Variants in RAB3B observed in about 807,000 individuals in gnomAD.
RAB3B encodes the protein ras-related protein Rab-3B.
In RAB3B, 11 loss-of-function variants were observed where a neutral mutation model predicts 20.5. The ratio of observed to expected loss-of-function variants is 0.54; its 90% CI spans 0.34 to 0.89. RAB3B has a LOEUF of 0.89. Ranked by LOEUF, RAB3B falls within the 40% of genes least tolerant of loss-of-function variation. The pLI, the probability that RAB3B is intolerant of heterozygous loss-of-function variation, is 0.02. For synonymous variants in RAB3B, 99 were observed against 106.3 expected, an observed-to-expected ratio of 0.93 and a Z score of 0.42; for missense variants, 225 against 280.9, an observed-to-expected ratio of 0.80 and a Z score of 1.42.
At chr1:51,951,063 C>A (rs1684634375) in intron 2 of RAB3B, among the ~76,000 whole-genome samples, 1 of 151,960 alleles carries the variant, frequency 6.6e-6, no homozygotes, top group Non-Finnish European at 1.5e-5. Context: ...TTATAGAGCA[C>A]CCTACAGTTT....
At chr1:51,971,367 T>C (rs1177135310) in intron 2 of RAB3B, among the ~76,000 whole-genome samples, 2 of 151,992 alleles carry the variant, frequency 1.3e-5, no homozygotes, top group African/African-American at 4.8e-5. Context: ...AGACCCTCAG[T>C]GGATGCCTGA....
chr1:51,950,605 G>GA (rs1684628086), intron 2 of RAB3B, among the ~76,000 whole-genome samples: 1 of 96,002 alleles, frequency 1.0e-5, no homozygotes, highest in South Asian at 3.7e-4. Flanking sequence ...ATAGACAAAG[G>GA]GAGGCCCAGA....
At chr1:51,967,698 A>AT (rs1684876228) in intron 2 of RAB3B, among the ~76,000 whole-genome samples, 3 of 149,616 alleles carry the variant, frequency 2.0e-5, no homozygotes, top group Admixed American at 2.0e-4. Flanking sequence ...TTATTTTTAA[A>AT]TTTTTTGTAG....
Position 51,936,609 on chromosome 1 carries a change from C to T in RAB3B, c.347+685G>A, listed in dbSNP as rs114885113. On this transcript the variant is annotated intron_variant, in intron 3 of 4. Coordinates refer to ENST00000371655, the MANE Select transcript of RAB3B (RefSeq NM_002867.4). ...TCGCACCTACCTTCTCACCTTTGCA[C>T]ATCTGTACTCATTTTCTGGAACATC... Among the ~76,000 whole-genome samples the T allele has an allele frequency of 7.2e-3, 1,098 of 152,252 alleles. 13 individuals are homozygous for T. Among genetic ancestry groups the T allele is most frequent in the African/African-American group, 0.026 (1,062 of 41,530 alleles).
intron 1 of RAB3B, among the ~76,000 whole-genome samples, chr1:51,989,208 T>TTCTGTG (rs1318914367): frequency 1.0e-5 from 1 of 99,822 alleles, no homozygotes; most frequent in Non-Finnish European, 2.0e-5. Flanking sequence ...CCATCTTGTT[T>TTCTGTG]TGTGTGTGTG....
intron 2 of RAB3B, among the ~76,000 whole-genome samples, chr1:51,966,010 C>T (rs945485910): frequency 6.6e-6 from 1 of 152,198 alleles, no homozygotes; most frequent in Non-Finnish European, 1.5e-5. Flanking sequence ...TCAATGTCTG[C>T]AATGCATTTC....
intron 4 of RAB3B, among the ~76,000 whole-genome samples, chr1:51,928,920 C>T (rs1324923414): frequency 1.3e-5 from 2 of 152,186 alleles, no homozygotes; most frequent in African/African-American, 4.8e-5. Flanking sequence ...CTTAACTCTC[C>T]AGCCTAAAAT....
intron 2 of RAB3B, among the ~76,000 whole-genome samples, chr1:51,943,282 G>T (rs1684518849): frequency 6.6e-6 from 1 of 152,124 alleles, no homozygotes; most frequent in Admixed American, 6.5e-5. Flanking sequence ...TACTCAGGAG[G>T]CTGAGGCAGG....
chr1:51,967,646 T>C (rs1025925326), intron 2 of RAB3B, among the ~76,000 whole-genome samples: 3 of 150,902 alleles, frequency 2.0e-5, no homozygotes, highest in Admixed American at 6.6e-5. Context: ...CTCAGCCTCA[T>C]GAGTAGCTGG....
chr1:51,949,460 C>A (rs1339673464), intron 2 of RAB3B, among the ~76,000 whole-genome samples: 1 of 152,208 alleles, frequency 6.6e-6, no homozygotes, highest in Non-Finnish European at 1.5e-5. Context: ...GCTTCCAGCA[C>A]AAATCCCGTG....
At chr1:51,979,196 C>T (rs1490363915) in intron 1 of RAB3B, among the ~76,000 whole-genome samples, 1 of 151,654 alleles carries the variant, frequency 6.6e-6, no homozygotes, top group African/African-American at 2.4e-5. Context: ...GTCTCACAGC[C>T]TTAACTTTTC....
Position 51,927,036 on chromosome 1 carries a change from C to T in RAB3B, c.472+6282G>A, listed in dbSNP as rs141850465. Among the ~76,000 whole-genome samples, 31 of 152,306 alleles carry T rather than the reference C, an allele frequency of 2.0e-4. 1 individual carries two copies. The highest frequency in any genetic ancestry group is 7.5e-4 in the African/African-American group (31 of 41,560). On this transcript the variant is annotated intron_variant, in intron 4 of 4. Coordinates refer to ENST00000371655, the MANE Select transcript of RAB3B (RefSeq NM_002867.4). ...ACAACAAAGGTCACAAGAGGATTTT[C>T]GTGAAAGCATATTGTGAATTTTAAG...
chr1:51,915,633 T>C lies in RAB3B; in HGVS notation c.*4294A>G, dbSNP rs931196601. On this transcript the variant is annotated 3_prime_UTR_variant, in exon 5 of 5. Transcript: ENST00000371655. Reference sequence around the variant, plus strand: ...AGATGTAAATAAACACAATACTGTATTGCACTTTTGGCCACTTTTGCGTCT... The same window carrying C: ...AGATGTAAATAAACACAATACTGTACTGCACTTTTGGCCACTTTTGCGTCT... The C allele has an allele frequency of 1.3e-5, 2 of 152,190 alleles. No individual in the cohort carries two copies. The highest frequency in any genetic ancestry group is 4.8e-5 in the African/African-American group (2 of 41,458). The allele number at this position is 152,190 out of a possible 1,614,324, so 9.4% of individuals were successfully genotyped here.
At chr1:51,954,846 T>C (rs1684685168) in intron 2 of RAB3B, among the ~76,000 whole-genome samples, 1 of 152,226 alleles carries the variant, frequency 6.6e-6, no homozygotes, top group African/African-American at 2.4e-5. Flanking sequence ...CTTAGATTCC[T>C]GGAAACATAG....
intron 3 of RAB3B, among the ~76,000 whole-genome samples, chr1:51,934,475 T>TA (rs1684368933): frequency 6.6e-6 from 1 of 152,136 alleles, no homozygotes; most frequent in Admixed American, 6.5e-5. Context: ...ATAAGACTTT[T>TA]AAAAAATACT....
rs1683986372 is a variant in RAB3B, at chr1:51,910,719, T to C, written c.*9208A>G. ...CCAAGGCATCAGCACCAAGAGAGCC[T>C]GTAGAAACTATCTGGTCTAAGCTCC... On this transcript the variant is annotated 3_prime_UTR_variant, in exon 5 of 5. Coordinates refer to ENST00000371655, the MANE Select transcript of RAB3B (RefSeq NM_002867.4). The C allele has an allele frequency of 6.6e-6, 1 of 152,112 alleles. No individual in the cohort carries two copies. Among genetic ancestry groups the C allele is most frequent in the African/African-American group, 2.4e-5 (1 of 41,422 alleles). The allele number at this position is 152,112 out of a possible 1,614,324, so 9.4% of individuals were successfully genotyped here. A position where few individuals can be genotyped will look rare whatever the true frequency, so the allele number is the denominator to read the frequency against.
intron 1 of RAB3B, chr1:51,980,748 C>A: frequency 2.6e-6 from 2 of 755,262 alleles, no homozygotes; most frequent in South Asian, 2.7e-5. Flanking sequence ...ATGAAGCCCG[C>A]AAGGACCAAA....
chr1:51,970,335 C>T (rs1017153118), intron 2 of RAB3B, among the ~76,000 whole-genome samples: 19 of 152,056 alleles, frequency 1.2e-4, no homozygotes, highest in African/African-American at 4.1e-4. Context: ...GTGGAGTTAC[C>T]AAGTCTCCTC....
chr1:51,972,100 G>A (rs940618832), intron 2 of RAB3B, among the ~76,000 whole-genome samples: 20 of 152,286 alleles, frequency 1.3e-4, no homozygotes, highest in African/African-American at 4.6e-4. Flanking sequence ...GCTTGAACCC[G>A]GGAGGTGGAG....
Sources: gnomAD v4.1 joint callset for allele counts (sites outside exome capture counted in the v4.1 genomes callset) on GRCh38, gnomAD v4.1.1 for gene constraint, MANE v1.5 for transcripts, NCBI Gene and HGNC (gene_info 2026-07-23, HGNC 2026-07-21) for gene names.